MND1: variants seen among roughly 807,000 people sequenced by gnomAD.
MND1 encodes the protein meiotic nuclear division protein 1 homolog.
MND1 carries 28 observed loss-of-function variants against 35.1 expected under a neutral mutation model. That is an observed-to-expected ratio of 0.80 (90% CI 0.59 to 1.09). The LOEUF is 1.09. Among genes scored for constraint, MND1 ranks in the 50% least tolerant of loss-of-function variants. The pLI is 0.00. For synonymous variants in MND1, 69 were observed against 70.5 expected, an observed-to-expected ratio of 0.98 and a Z score of 0.11; for missense variants, 213 against 239.6, an observed-to-expected ratio of 0.89 and a Z score of 0.73.
intron 4 of MND1, among the ~76,000 whole-genome samples, chr4:153,390,919 A>ATGTGTGTGTGTGTGTG (rs149830333): frequency 3.2e-5 from 4 of 124,646 alleles, no homozygotes; most frequent in African/African-American, 1.2e-4. Context: ...GTGTGTGTAT[A>ATGTGTGTGTGTGTGTG]TGTGTGTGTG....
At chr4:153,356,171 G>A (rs17029886) in intron 3 of MND1, among the ~76,000 whole-genome samples, 53,128 of 151,914 alleles carry the variant, frequency 0.35, 10,163 homozygotes, top group African/African-American at 0.51. Flanking sequence ...TTCTTTTGCT[G>A]TCGAAAACAA....
intron 4 of MND1, among the ~76,000 whole-genome samples, chr4:153,380,503 C>T (rs1460425398): frequency 6.6e-6 from 1 of 152,084 alleles, no homozygotes; most frequent in Non-Finnish European, 1.5e-5. Context: ...GATCTGAATT[C>T]CTTGCTCACA....
intron 4 of MND1, among the ~76,000 whole-genome samples, chr4:153,371,071 T>G (rs1184379140): frequency 6.6e-6 from 1 of 152,020 alleles, no homozygotes; most frequent in Non-Finnish European, 1.5e-5. Context: ...AGGTACATTG[T>G]CATTGGGCAG....
intron 4 of MND1, among the ~76,000 whole-genome samples, chr4:153,370,774 C>T (rs1419358123): frequency 1.3e-5 from 2 of 151,992 alleles, no homozygotes; most frequent in Non-Finnish European, 2.9e-5. Context: ...CCACCTCAGC[C>T]TCCCAAAGTG....
At chr4:153,382,521 A>G (rs2149647033) in intron 4 of MND1, among the ~76,000 whole-genome samples, 1 of 152,364 alleles carries the variant, frequency 6.6e-6, no homozygotes, top group Non-Finnish European at 1.5e-5. Flanking sequence ...GCAGAAGTAG[A>G]AAAGTAAGAG....
intron 4 of MND1, among the ~76,000 whole-genome samples, chr4:153,389,852 T>TA (rs1009869852): frequency 6.6e-6 from 1 of 152,208 alleles, no homozygotes. Flanking sequence ...TTGGGTTTGT[T>TA]ACTGTAAGAA....
intron 4 of MND1, among the ~76,000 whole-genome samples, chr4:153,367,058 A>C (rs1456526863): frequency 6.6e-6 from 1 of 152,116 alleles, no homozygotes; most frequent in Non-Finnish European, 1.5e-5. Context: ...GTTGGGTGGA[A>C]TGGAAGTCTC....
chr4:153,378,872 T>C (rs1406271223), intron 4 of MND1, among the ~76,000 whole-genome samples: 2 of 152,218 alleles, frequency 1.3e-5, no homozygotes, highest in Non-Finnish European at 2.9e-5. Context: ...GACTTCAGTA[T>C]AGTAGTCAAC....
chr4:153,397,684 G>C (rs1052017635), intron 6 of MND1, among the ~76,000 whole-genome samples: 1 of 152,032 alleles, frequency 6.6e-6, no homozygotes, highest in East Asian at 1.9e-4. Context: ...GCCAAGCATG[G>C]TGACAGATGC....
At chr4:153,406,292 C>A (rs1274770210) in intron 6 of MND1, among the ~76,000 whole-genome samples, 1 of 152,112 alleles carries the variant, frequency 6.6e-6, no homozygotes, top group Admixed American at 6.6e-5. Flanking sequence ...GAGGCCAAGG[C>A]AGGTGGATCA....
At chr4:153,414,668 G>A in intron 7 of MND1, 83 bp from the exon 8 acceptor site, 1 of 566,812 alleles carries the variant, frequency 1.8e-6, no homozygotes, top group Non-Finnish European at 3.0e-6. Context: ...ATAGAAGGAA[G>A]TAAAAGAACA....
chr4:153,376,904 C>A (rs1241812253), intron 4 of MND1, among the ~76,000 whole-genome samples: 1 of 152,004 alleles, frequency 6.6e-6, no homozygotes, highest in Non-Finnish European at 1.5e-5. Context: ...AAGTATTTGA[C>A]AAGTGAATGA....
At chr4:153,384,593 T>C (rs1728803677) in intron 4 of MND1, among the ~76,000 whole-genome samples, 1 of 151,754 alleles carries the variant, frequency 6.6e-6, no homozygotes, top group African/African-American at 2.4e-5. Context: ...ATGCACAGCC[T>C]ATTTCTACTT....
At chr4:153,354,591 C>G (rs1387458927) in intron 2 of MND1, among the ~76,000 whole-genome samples, 2 of 152,134 alleles carry the variant, frequency 1.3e-5, no homozygotes, top group South Asian at 2.1e-4. Context: ...CAGCCTCAAC[C>G]TCCCAGGCTC....
intron 4 of MND1, among the ~76,000 whole-genome samples, chr4:153,368,037 T>A (rs541235443): frequency 1.3e-5 from 2 of 152,342 alleles, no homozygotes; most frequent in South Asian, 2.1e-4. Flanking sequence ...AACGTGATGC[T>A]GTATTTTTCT....
At chr4:153,363,225 T>TC (rs1471350825) in intron 4 of MND1, among the ~76,000 whole-genome samples, 1 of 152,002 alleles carries the variant, frequency 6.6e-6, no homozygotes, top group East Asian at 1.9e-4. Flanking sequence ...TTTTTTTTTT[T>TC]TTTGAGATGG....
chr4:153,349,198 A>G lies in MND1; in HGVS notation c.4-866A>G, dbSNP rs117054461. On this transcript the variant is annotated intron_variant, in intron 1 of 7. Coordinates refer to ENST00000240488, the MANE Select transcript of MND1 (RefSeq NM_032117.4). ...ATATATTCTATGTACAATATATTGTAAAATTTATTATTAACATATATTTCA... is the reference window on the plus strand; with the variant it reads ...ATATATTCTATGTACAATATATTGTGAAATTTATTATTAACATATATTTCA... Among the ~76,000 whole-genome samples, 127 of 151,746 alleles carry G rather than the reference A, an allele frequency of 8.4e-4. 5 individuals are homozygous for G. In the East Asian group the frequency reaches 0.023, roughly 27 times the overall value.
intron 3 of MND1, among the ~76,000 whole-genome samples, chr4:153,356,010 A>T (rs2149631728): frequency 6.6e-6 from 1 of 152,308 alleles, no homozygotes; most frequent in Admixed American, 6.5e-5. Flanking sequence ...TACTTTTAAA[A>T]ATCTAGTTGA....
intron 6 of MND1, among the ~76,000 whole-genome samples, chr4:153,405,271 T>A (rs1009153583): frequency 2.0e-5 from 3 of 151,950 alleles, no homozygotes; most frequent in Non-Finnish European, 1.5e-5. Flanking sequence ...AGTATGGTAG[T>A]GGTATGAGAA....
Sources: gnomAD v4.1 joint callset for allele counts (sites outside exome capture counted in the v4.1 genomes callset) on GRCh38, gnomAD v4.1.1 for gene constraint, MANE v1.5 for transcripts, NCBI Gene and HGNC (gene_info 2026-07-23, HGNC 2026-07-21) for gene names.